GYPE: variants seen among roughly 807,000 people sequenced by gnomAD.
The protein encoded by GYPE is glycophorin-E.
GYPE carries 8 observed loss-of-function variants against 11.6 expected under a neutral mutation model. The ratio of observed to expected loss-of-function variants is 0.69; its 90% confidence interval spans 0.41 to 1.25. GYPE has a LOEUF of 1.25. Among genes scored for constraint, GYPE ranks in the 50% most tolerant of loss-of-function variants. The pLI is 0.01. For synonymous variants in GYPE, 28 were observed against 29.6 expected, an observed-to-expected ratio of 0.94 and a Z score of 0.18; for missense variants, 90 against 92.8, an observed-to-expected ratio of 0.97 and a Z score of 0.12.
At position 143,895,511 on chromosome 4, in the gene GYPE, A is replaced by G. The variant is rs902648371; in HGVS notation, c.37+9960T>C. 1.3e-3 allele frequency among the ~76,000 whole-genome samples: 200 copies of G among 150,468 alleles called. 4 individuals carry two copies. Among genetic ancestry groups the G allele is most frequent in the Non-Finnish European group, 4.1e-4 (28 of 67,574 alleles). On this transcript the variant is annotated intron_variant, in intron 1 of 3. Transcript: ENST00000358615. Reference sequence around the variant, plus strand: ...ACTGCTCAATGAAATAAAAGAGGATACAAACAAATGGAAGAACATTCCATG... The same window carrying G: ...ACTGCTCAATGAAATAAAAGAGGATGCAAACAAATGGAAGAACATTCCATG...
intron 1 of GYPE, among the ~76,000 whole-genome samples, chr4:143,885,306 T>C (rs866232246): frequency 1.3e-5 from 2 of 152,212 alleles, no homozygotes; most frequent in East Asian, 1.9e-4. Context: ...AAGCAAAGTA[T>C]ATGTAACTGT....
At chr4:143,901,884 C>G (rs13121830) in intron 1 of GYPE, among the ~76,000 whole-genome samples, 142,394 of 151,940 alleles carry the variant, frequency 0.94, 67,472 homozygotes, top group East Asian at 1. Flanking sequence ...CTATTCAGAC[C>G]TTTTCTGCAA....
chr4:143,872,288 A>G (rs1309381042), intron 3 of GYPE, 36 bp from the exon 4 acceptor site: 1 of 152,614 alleles, frequency 6.6e-6, no homozygotes, highest in East Asian at 1.9e-4. Context: ...GCTTTCATTT[A>G]CATATAAGAT....
intron 2 of GYPE, among the ~76,000 whole-genome samples, chr4:143,877,760 C>T (rs1743869912): frequency 1.3e-5 from 2 of 150,366 alleles, no homozygotes; most frequent in African/African-American, 4.9e-5. Flanking sequence ...CCCTGTGAGC[C>T]ATGGACACGG....
At chr4:143,876,956 T>A (rs1743839742) in intron 2 of GYPE, 101 bp from the exon 3 acceptor site, 1 of 722,816 alleles carries the variant, frequency 1.4e-6, no homozygotes, top group South Asian at 1.5e-5. Flanking sequence ...CACCTTGCCT[T>A]TTAATAGAAA....
chr4:143,893,641 C>T (rs570574076), intron 1 of GYPE, among the ~76,000 whole-genome samples: 312 of 152,242 alleles, frequency 2.0e-3, no homozygotes, highest in Non-Finnish European at 3.1e-3. Flanking sequence ...TATTGGCCCC[C>T]GCTCTCTTCT....
At chr4:143,881,330 T>C (rs1578958363) in intron 1 of GYPE, among the ~76,000 whole-genome samples, 1 of 152,072 alleles carries the variant, frequency 6.6e-6, no homozygotes, top group Non-Finnish European at 1.5e-5. Context: ...CATTTCAAAT[T>C]TATAAGTTAT....
chr4:143,882,731 T>C (rs1382099087), intron 1 of GYPE, among the ~76,000 whole-genome samples: 1 of 152,166 alleles, frequency 6.6e-6, no homozygotes, highest in Non-Finnish European at 1.5e-5. Context: ...ATGCTTCTCC[T>C]TTTAATCCTC....
intron 1 of GYPE, among the ~76,000 whole-genome samples, chr4:143,895,235 A>G (rs949983796): frequency 6.6e-5 from 10 of 152,200 alleles, no homozygotes; most frequent in African/African-American, 2.4e-4. Context: ...CACAGACGAC[A>G]TGATTGTATA....
chr4:143,874,670 T>C (rs1743730502), intron 3 of GYPE, among the ~76,000 whole-genome samples: 1 of 152,156 alleles, frequency 6.6e-6, no homozygotes, highest in African/African-American at 2.4e-5. Context: ...GTATCTGGTG[T>C]GTACTCGAAG....
In GYPE at chr4:143,870,976, A is replaced by G. The variant is rs973843658; in HGVS notation, c.*1286T>C. 1.3e-5 allele frequency: 2 copies of G among 151,914 alleles called. No homozygotes were observed. Among genetic ancestry groups the G allele is most frequent in the Non-Finnish European group, 2.9e-5 (2 of 68,028 alleles). The allele number at this position is 151,914 out of a possible 1,614,324, so 9.4% of individuals were successfully genotyped here. On this transcript the variant is annotated 3_prime_UTR_variant, in exon 4 of 4. Coordinates refer to ENST00000358615, the MANE Select transcript of GYPE (RefSeq NM_198682.3). ...GGAAACAAACACATCTTTCTTACATAGTGGCAGGAAGGAGAAGAATGAGAG... is the reference window on the plus strand; with the variant it reads ...GGAAACAAACACATCTTTCTTACATGGTGGCAGGAAGGAGAAGAATGAGAG...
At chr4:143,889,406 T>C (rs1001630011) in intron 1 of GYPE, among the ~76,000 whole-genome samples, 26 of 152,118 alleles carry the variant, frequency 1.7e-4, no homozygotes, top group African/African-American at 4.3e-4. Flanking sequence ...AGCAGAGTTC[T>C]ATTCCTGGCT....
intron 3 of GYPE, among the ~76,000 whole-genome samples, chr4:143,873,716 G>C (rs1190792921): frequency 1.3e-5 from 2 of 152,132 alleles, no homozygotes; most frequent in African/African-American, 4.8e-5. Context: ...GGCAGTTTGA[G>C]AAATGGTATA....
At chr4:143,903,021 C>T (rs1744924782) in intron 1 of GYPE, among the ~76,000 whole-genome samples, 1 of 151,940 alleles carries the variant, frequency 6.6e-6, no homozygotes, top group Non-Finnish European at 1.5e-5. Context: ...CTTGCTCTTC[C>T]CTCTGCCTTC....
chr4:143,904,360 G>C (rs549321763), intron 1 of GYPE, among the ~76,000 whole-genome samples: 3 of 151,894 alleles, frequency 2.0e-5, no homozygotes, highest in Non-Finnish European at 2.9e-5. Flanking sequence ...TAATCTTTAC[G>C]CAATTATTAT....
intron 2 of GYPE, among the ~76,000 whole-genome samples, chr4:143,879,669 C>T (rs1457328566): frequency 6.6e-6 from 1 of 152,162 alleles, no homozygotes; most frequent in Non-Finnish European, 1.5e-5. Flanking sequence ...TTCATTAACA[C>T]TATGAGCTGG....
intron 2 of GYPE, 125 bp downstream of exon 2, chr4:143,880,286 G>C: frequency 6.8e-7 from 1 of 1,467,372 alleles, no homozygotes. Context: ...TTAGTAGGCT[G>C]TGTCTACTTA....
chr4:143,896,837 A>C (rs1040989503), intron 1 of GYPE, among the ~76,000 whole-genome samples: 4 of 152,170 alleles, frequency 2.6e-5, no homozygotes, highest in African/African-American at 9.7e-5. Context: ...ATAAAAAAGG[A>C]TGAGTTCATG....
chr4:143,876,312 C>T (rs958911988), intron 3 of GYPE, among the ~76,000 whole-genome samples: 3 of 152,092 alleles, frequency 2.0e-5, no homozygotes, highest in African/African-American at 7.2e-5. Flanking sequence ...CTAGGTTTCA[C>T]CTTTTTGCTC....
Sources: allele counts gnomAD v4.1 joint callset (sites outside exome capture counted in the v4.1 genomes callset), GRCh38; gene constraint gnomAD v4.1.1; transcripts MANE v1.5; gene names NCBI Gene and HGNC (gene_info 2026-07-23, HGNC 2026-07-21).